Variants in PPP1R21 observed in about 807,000 individuals in gnomAD.
PPP1R21 encodes the protein protein phosphatase 1 regulatory subunit 21.
In PPP1R21, 85 loss-of-function variants were observed where a neutral mutation model predicts 112.8. The ratio of observed to expected loss-of-function variants is 0.75; its 90% CI spans 0.63 to 0.90. The LOEUF (loss-of-function observed/expected upper bound fraction) is 0.90. Among genes scored for constraint, PPP1R21 ranks in the 40% least tolerant of loss-of-function variants. PPP1R21 has a pLI of 0.00. For missense variants in PPP1R21, 1,199 were observed against 901.5 expected, an observed-to-expected ratio of 1.33 and a Z score of -4.23; for synonymous variants, 381 against 322.3, an observed-to-expected ratio of 1.18 and a Z score of -1.95.
chr2:48,507,749 C>CT (rs34546075), intron 19 of PPP1R21, among the ~76,000 whole-genome samples: 1,258 of 42,290 alleles, frequency 0.03, 351 homozygotes, highest in Middle Eastern at 0.094. Flanking sequence ...GAGGCTCTGC[C>CT]TTTTTTTTTT....
At position 48,497,720 on chromosome 2, in the gene PPP1R21, C is replaced by T. The variant is rs368814884; in HGVS notation, c.1693-773C>T. Among the ~76,000 whole-genome samples, 7 of 148,376 alleles carry T rather than the reference C, an allele frequency of 4.7e-5. No homozygotes were observed. The South Asian group carries it at 1.1e-3, about 23-fold the overall frequency. Reference sequence around the variant, plus strand: ...AGGCTGGAGTGCAGTGGCGCTATCTCGGCTCACTGCAAACTCCGCCTCCTG... The same window carrying T: ...AGGCTGGAGTGCAGTGGCGCTATCTTGGCTCACTGCAAACTCCGCCTCCTG... On this transcript the variant is annotated intron_variant, in intron 16 of 21. Transcript: ENST00000294952.
chr2:48,506,322 G>T (rs1418358952), intron 18 of PPP1R21, among the ~76,000 whole-genome samples: 2 of 152,154 alleles, frequency 1.3e-5, no homozygotes, highest in Non-Finnish European at 2.9e-5. Flanking sequence ...TCAAACTCCT[G>T]AGTTCAGGTG....
intron 13 of PPP1R21, among the ~76,000 whole-genome samples, chr2:48,482,645 GTTT>G (rs200292830): frequency 7.9e-6 from 1 of 126,576 alleles, no homozygotes; most frequent in Non-Finnish European, 1.7e-5. Context: ...TAAAGACACT[GTTT>G]TTTTTTTTTT....
At chr2:48,510,137 G>A (rs1670572242) in intron 20 of PPP1R21, 24 bp downstream of exon 20, 1 of 1,553,206 alleles carries the variant, frequency 6.4e-7, no homozygotes, top group Non-Finnish European at 8.8e-7. Flanking sequence ...TACCTGAATG[G>A]TTTTAATGTT....
intron 15 of PPP1R21, among the ~76,000 whole-genome samples, chr2:48,494,403 CTATTT>C (rs1669717474): frequency 7.2e-6 from 1 of 137,966 alleles, no homozygotes; most frequent in African/African-American, 2.8e-5. Context: ...AACATAAAGC[CTATTT>C]TATTTTATTT....
chr2:48,454,840 T>G, intron 3 of PPP1R21, 99 bp downstream of exon 3: 2 of 942,492 alleles, frequency 2.1e-6, no homozygotes, highest in Admixed American at 2.0e-5. Flanking sequence ...GCCGAATTAT[T>G]TTTTTCTTTG....
chr2:48,481,951 C>G (rs944063906), intron 13 of PPP1R21, among the ~76,000 whole-genome samples: 6 of 152,166 alleles, frequency 3.9e-5, no homozygotes, highest in African/African-American at 2.4e-5. Context: ...TACCTTCAGG[C>G]TATATGTATA....
chr2:48,492,227 T>C (rs569371857), intron 15 of PPP1R21, among the ~76,000 whole-genome samples: 3 of 152,362 alleles, frequency 2.0e-5, no homozygotes, highest in South Asian at 2.1e-4. Flanking sequence ...ACCATAATTA[T>C]CAGTTTGATG....
chr2:48,488,105 A>G (rs528078019), intron 14 of PPP1R21, among the ~76,000 whole-genome samples: 1 of 152,314 alleles, frequency 6.6e-6, no homozygotes, highest in Admixed American at 6.5e-5. Flanking sequence ...TTTCAGTGTC[A>G]TATTTCCAAA....
At chr2:48,457,590 AATC>A (rs1416321336) in intron 3 of PPP1R21, among the ~76,000 whole-genome samples, 1 of 152,184 alleles carries the variant, frequency 6.6e-6, no homozygotes, top group Non-Finnish European at 1.5e-5. Flanking sequence ...ATTTTAAAAT[AATC>A]TTTGAGAATT....
intron 13 of PPP1R21, among the ~76,000 whole-genome samples, chr2:48,484,638 A>G (rs1197753771): frequency 6.6e-6 from 1 of 151,140 alleles, no homozygotes; most frequent in Non-Finnish European, 1.5e-5. Flanking sequence ...TGCCTCTAGC[A>G]CCTGAGTAGC....
chr2:48,460,016 T>A, intron 5 of PPP1R21, 79 bp from the exon 6 acceptor site: 1 of 1,594,598 alleles, frequency 6.3e-7, no homozygotes, highest in Non-Finnish European at 8.6e-7. Flanking sequence ...GTGAGACTTT[T>A]GCCTGCAGGG....
chr2:48,504,798 T>C (rs901856000), intron 17 of PPP1R21, among the ~76,000 whole-genome samples: 2 of 152,174 alleles, frequency 1.3e-5, no homozygotes, highest in African/African-American at 4.8e-5. Flanking sequence ...TGACCATCTG[T>C]TTTTGAAATC....
intron 3 of PPP1R21, among the ~76,000 whole-genome samples, chr2:48,456,941 A>G (rs1272395987): frequency 1.3e-5 from 2 of 152,066 alleles, no homozygotes; most frequent in African/African-American, 4.8e-5. Flanking sequence ...AATCCCAGCT[A>G]CTTGGGAGGC....
At chr2:48,508,710 G>A (rs376870790) in intron 19 of PPP1R21, among the ~76,000 whole-genome samples, 1 of 152,294 alleles carries the variant, frequency 6.6e-6, no homozygotes, top group East Asian at 1.9e-4. Flanking sequence ...ATTCCTCTTT[G>A]TCAGGTTCAT....
chr2:48,510,162 T>A (rs772453337), intron 20 of PPP1R21, 49 bp downstream of exon 20: 2 of 1,400,086 alleles, frequency 1.4e-6, no homozygotes, highest in South Asian at 2.4e-5. Flanking sequence ...CATTGAAAGT[T>A]CTTTGGTAGC....
intron 3 of PPP1R21, 35 bp from the exon 4 acceptor site, chr2:48,458,089 TGA>T: frequency 7.3e-7 from 1 of 1,378,314 alleles, no homozygotes; most frequent in Non-Finnish European, 1.0e-6. Context: ...CTCTAAAGGA[TGA>T]AAGTTATGTG....
At chr2:48,481,740 A>T (rs915889766) in intron 13 of PPP1R21, among the ~76,000 whole-genome samples, 12 of 152,172 alleles carry the variant, frequency 7.9e-5, no homozygotes, top group Admixed American at 7.9e-4. Flanking sequence ...ATAAAAAAAA[A>T]ATAAATTTTC....
intron 15 of PPP1R21, among the ~76,000 whole-genome samples, chr2:48,495,081 T>C (rs2103622316): frequency 6.6e-6 from 1 of 152,392 alleles, no homozygotes; most frequent in South Asian, 2.1e-4. Flanking sequence ...AATGGTTGTA[T>C]GTATAAGTAC....
Sources: gnomAD v4.1 joint callset for allele counts (sites outside exome capture counted in the v4.1 genomes callset) on GRCh38, gnomAD v4.1.1 for gene constraint, MANE v1.5 for transcripts, NCBI Gene and HGNC (gene_info 2026-07-23, HGNC 2026-07-21) for gene names.